Variants in GRIK3 observed in about 807,000 individuals in gnomAD.
GRIK3 encodes the protein glutamate receptor ionotropic, kainate 3.
In GRIK3, 29 loss-of-function variants were observed where a neutral mutation model predicts 102.5. The observed-to-expected ratio is 0.28, with a 90% CI of 0.21 to 0.39. The LOEUF (loss-of-function observed/expected upper bound fraction) is 0.39, where lower values mean the gene tolerates loss of function less well. GRIK3 is among the 10% of genes least tolerant of loss of function. GRIK3 has a pLI of 1.00. For missense variants in GRIK3, 908 were observed against 1,252.4 expected (o/e 0.73, Z 4.15); for synonymous variants, 511 against 504.9 (o/e 1.01, Z -0.16).
intron 1 of GRIK3, among the ~76,000 whole-genome samples, chr1:36,937,017 A>G (rs1641666662): frequency 6.6e-6 from 1 of 152,210 alleles, no homozygotes; most frequent in Non-Finnish European, 1.5e-5. Context: ...ATGGACACGC[A>G]GTGGAGGATA....
At chr1:36,883,273 A>G (rs1266815468) in intron 2 of GRIK3, among the ~76,000 whole-genome samples, 1 of 152,226 alleles carries the variant, frequency 6.6e-6, no homozygotes, top group Admixed American at 6.5e-5. Context: ...CTTCATCACA[A>G]TCTGGAAAGT....
chr1:36,805,378 C>A, intron 14 of GRIK3, 141 bp from the exon 15 acceptor site: 1 of 774,644 alleles, frequency 1.3e-6, no homozygotes, highest in Non-Finnish European at 2.0e-6. Context: ...TGTGAGTCCC[C>A]TTTAAATCGA....
chr1:36,970,310 C>T, intron 1 of GRIK3, among the ~76,000 whole-genome samples: 1 of 152,068 alleles, frequency 6.6e-6, no homozygotes, highest in East Asian at 2.0e-4. Flanking sequence ...ATGAGTGGGG[C>T]CACCGTACCA....
intron 2 of GRIK3, among the ~76,000 whole-genome samples, chr1:36,885,618 C>T (rs1350615768): frequency 6.6e-6 from 1 of 152,116 alleles, no homozygotes; most frequent in East Asian, 1.9e-4. Flanking sequence ...TTTCCCTGGC[C>T]TCTCTCCACC....
intron 9 of GRIK3, among the ~76,000 whole-genome samples, chr1:36,846,333 G>T (rs1301859105): frequency 6.6e-6 from 1 of 152,222 alleles, no homozygotes; most frequent in African/African-American, 2.4e-5. Flanking sequence ...CCAGGGTAAG[G>T]CATCTTTAGC....
At chr1:36,899,247 T>C (rs576007873) in intron 1 of GRIK3, among the ~76,000 whole-genome samples, 2 of 152,202 alleles carry the variant, frequency 1.3e-5, no homozygotes, top group East Asian at 1.9e-4. Flanking sequence ...ATGCAACCTA[T>C]AGAATGCGAG....
chr1:36,898,781 T>G (rs2124280404), intron 1 of GRIK3, among the ~76,000 whole-genome samples: 1 of 152,266 alleles, frequency 6.6e-6, no homozygotes, highest in Admixed American at 6.5e-5. Flanking sequence ...TTGAAAGACA[T>G]TTCCTGATTT....
At chr1:36,805,702 T>G (rs549012692) in intron 14 of GRIK3, among the ~76,000 whole-genome samples, 1 of 152,146 alleles carries the variant, frequency 6.6e-6, no homozygotes, top group Admixed American at 6.5e-5. Flanking sequence ...TTTGGGAGGC[T>G]GAGGTGGGGA....
chr1:36,959,734 T>C (rs1460247524), intron 1 of GRIK3, among the ~76,000 whole-genome samples: 1 of 114,944 alleles, frequency 8.7e-6, no homozygotes, highest in Admixed American at 8.6e-5. Context: ...GTGTGTCCCA[T>C]GAGTCTGTGC....
At position 37,034,192 on chromosome 1, in the gene GRIK3, C is replaced by G. The variant is rs1443559445; in HGVS notation, c.-84G>C. On this transcript the variant is annotated 5_prime_UTR_variant, in exon 1 of 16. Coordinates refer to ENST00000373091, the MANE Select transcript of GRIK3 (RefSeq NM_000831.4). ...GCTCTAGGCGCGGGCGCGCAGCAGC[C>G]CCGAAGGCGCCGCCTGGCCCAGCCG... is the stretch of plus-strand genomic sequence containing the variant. The G allele has an allele frequency of 2.8e-6, 1 of 357,768 alleles. No individual in the cohort carries two copies. The allele number at this position is 357,768 out of a possible 1,614,324, so 22.2% of individuals were successfully genotyped here.
chr1:36,912,236 C>T (rs1436950302), intron 1 of GRIK3, among the ~76,000 whole-genome samples: 2 of 152,174 alleles, frequency 1.3e-5, no homozygotes, highest in South Asian at 2.1e-4. Context: ...CAGACACTTC[C>T]TCTGCATGCC....
chr1:36,815,657 C>T (rs1642618429), intron 13 of GRIK3, among the ~76,000 whole-genome samples: 1 of 152,240 alleles, frequency 6.6e-6, no homozygotes, highest in Non-Finnish European at 1.5e-5. Context: ...CCAGCAGCTG[C>T]AGCGTCACTT....
At chr1:36,893,444 C>T (rs1305132969) in intron 1 of GRIK3, among the ~76,000 whole-genome samples, 2 of 152,182 alleles carry the variant, frequency 1.3e-5, no homozygotes, top group Non-Finnish European at 2.9e-5. Flanking sequence ...AAGTGTGCAA[C>T]TTCCCTAATA....
rs1232527422 is a variant in GRIK3, at chr1:36,945,601, A to T, written c.116-54505T>A. On this transcript the variant is annotated intron_variant, in intron 1 of 15. Transcript: ENST00000373091. ...TACAGATAGCTCAGAGTGTCTCTCA[A>T]TTTAGAGGCACAATCTGAGCCTCCT... Among the ~76,000 whole-genome samples the T allele has an allele frequency of 2.0e-5, 3 of 152,338 alleles. No homozygotes were observed. The East Asian group carries it at 5.8e-4, about 29-fold the overall frequency.
intron 1 of GRIK3, among the ~76,000 whole-genome samples, chr1:36,933,128 G>T (rs549054833): frequency 6.6e-6 from 1 of 152,130 alleles, no homozygotes; most frequent in Non-Finnish European, 1.5e-5. Context: ...AAAGCGGCTT[G>T]TCACTGAGCA....
chr1:36,914,506 C>A (rs549581993), intron 1 of GRIK3, among the ~76,000 whole-genome samples: 1 of 152,246 alleles, frequency 6.6e-6, no homozygotes, highest in Non-Finnish European at 1.5e-5. Context: ...TCTGGCAGAG[C>A]ATCTTACTGG....
chr1:36,978,996 G>T (rs1295660815), intron 1 of GRIK3, among the ~76,000 whole-genome samples: 1 of 152,234 alleles, frequency 6.6e-6, no homozygotes, highest in African/African-American at 2.4e-5. Flanking sequence ...TTGGAGAACT[G>T]TCTGAATTAT....
Position 36,836,833 on chromosome 1 carries a change from G to A in GRIK3, c.1530+4903C>T, listed in dbSNP as rs115232959. Among the ~76,000 whole-genome samples the A allele has an allele frequency of 4.1e-3, 620 of 152,296 alleles. 5 individuals are homozygous for A. The highest frequency in any genetic ancestry group is 0.014 in the African/African-American group (579 of 41,566). ...GGGGGCTGGGAGAGCAGCCAGGACA[G>A]AATTCTGGGTCTCCGAGGGTGAAAT... is the stretch of plus-strand genomic sequence containing the variant. On this transcript the variant is annotated intron_variant, in intron 10 of 15. Transcript: ENST00000373091.
chr1:37,008,576 C>A (rs1439295170), intron 1 of GRIK3, among the ~76,000 whole-genome samples: 2 of 152,254 alleles, frequency 1.3e-5, no homozygotes, highest in Non-Finnish European at 2.9e-5. Context: ...TTTGCCACAT[C>A]TTCCTGGCTG....
Sources: gnomAD v4.1 joint callset for allele counts (sites outside exome capture counted in the v4.1 genomes callset) on GRCh38, gnomAD v4.1.1 for gene constraint, MANE v1.5 for transcripts, NCBI Gene and HGNC (gene_info 2026-07-23, HGNC 2026-07-21) for gene names.